The following HECTD3 variants were observed in gnomAD, a reference collection of about 807,000 sequenced individuals.
HECTD3 encodes E3 ubiquitin-protein ligase HECTD3.
A neutral mutation model predicts 109.3 loss-of-function variants in HECTD3; 72 were observed. The ratio of observed to expected loss-of-function variants is 0.66; its 90% CI spans 0.54 to 0.80. The LOEUF is 0.80. Among genes scored for constraint, HECTD3 ranks in the 30% least tolerant of loss-of-function variants. HECTD3 has a pLI of 0.00. For synonymous variants in HECTD3, 481 were observed against 471.8 expected (o/e 1.02, Z -0.25); for missense variants, 1,041 against 1,165.2 (o/e 0.89, Z 1.55).
At position 45,008,243 on chromosome 1, in the gene HECTD3, A is replaced by T; in HGVS notation, c.1317T>A (p.Ile439=). The part of the protein sequence containing the change: ...WDHTLGTFSE[I]KQVKQFLLLS... The stretch of plus-strand genomic sequence containing the variant: ...AGCACTGGCTGGGTCGGCTCACCTT[A>T]ATCTCACTGAAGGTGCCCAGTGTGT... Residue 439 remains isoleucine, a synonymous_variant, in exon 9 of 21, where the codon ATT becomes ATA. Coordinates refer to ENST00000372172, the MANE Select transcript of HECTD3 (RefSeq NM_024602.6). 6.2e-7 allele frequency: 1 copy of T among 1,613,174 alleles called. No homozygotes were observed. The highest frequency in any genetic ancestry group is 2.2e-5 in the East Asian group (1 of 44,870).
chr1:45,003,278 C>G lies in HECTD3; in HGVS notation c.*214G>C. On this transcript the variant is annotated 3_prime_UTR_variant, in exon 21 of 21. Transcript: ENST00000372172. The surrounding 1 kb of genome is among the most constrained non-coding windows in gnomAD (Gnocchi z 4.7). ...GAGGTGAAATACCTCGGGAAGCAAG[C>G]CCCAGCACGGGTAGGGCTTGTGGGT... 1 of 576,790 alleles carries G rather than the reference C, an allele frequency of 1.7e-6. No homozygotes were observed. The highest frequency in any genetic ancestry group is 2.0e-5 in the South Asian group (1 of 49,030). The allele number at this position is 576,790 out of a possible 1,614,324, so 35.7% of individuals were successfully genotyped here. A position where few individuals can be genotyped will look rare whatever the true frequency, so the allele number is the denominator to read the frequency against.
Position 45,010,027 on chromosome 1 carries a change from C to A in HECTD3, c.718G>T (p.Val240Leu). Residue 240 changes from valine to leucine, a missense_variant, in exon 4 of 21, where the codon GTG becomes TTG. Physicochemically the swap from Val to Leu is conservative, Grantham distance 32. This residue lies in a region of HECTD3 where 472 missense variants were observed against 449.9 expected (regional missense o/e 1.05). Coordinates refer to ENST00000372172, the MANE Select transcript of HECTD3 (RefSeq NM_024602.6). ...LGKEDENLGS[V>L]KQYVESIDVS... ...TCTATGCTCTCCACATACTGCTTCA[C>A]GCTACCCAGGTTCTCATCCTCCTTG... 1 of 1,557,378 alleles carries A rather than the reference C, an allele frequency of 6.4e-7. No individual in the cohort carries two copies. The highest frequency in any genetic ancestry group is 1.2e-5 in the South Asian group (1 of 81,512).
chr1:45,003,293 G>A lies in HECTD3; in HGVS notation c.*199C>T, dbSNP rs1184953128. On this transcript the variant is annotated 3_prime_UTR_variant, in exon 21 of 21. Coordinates refer to ENST00000372172, the MANE Select transcript of HECTD3 (RefSeq NM_024602.6). The surrounding 1 kb of genome is among the most constrained non-coding windows in gnomAD (Gnocchi z 4.7). ...GGGAAGCAAGCCCCAGCACGGGTAGGGCTTGTGGGTCTGCGGGGCTGGGCC... is the reference window on the plus strand; with the variant it reads ...GGGAAGCAAGCCCCAGCACGGGTAGAGCTTGTGGGTCTGCGGGGCTGGGCC... 2 of 589,878 alleles carry A rather than the reference G, an allele frequency of 3.4e-6. No individual in the cohort carries two copies. The highest frequency in any genetic ancestry group is 2.0e-5 in the South Asian group (1 of 50,706). 36.5% of individuals were successfully genotyped at this position (589,878 alleles called of 1,614,324 possible). A position where few individuals can be genotyped will look rare whatever the true frequency, so the allele number is the denominator to read the frequency against.
rs566884520 is a variant in HECTD3, at chr1:45,003,793, G to T, written c.2430-53C>A. ...GGAAGATGTGTTGGGGCACATGTACGTGTGTGGGGAGGGAGGACAGAAGGC... is the reference window on the plus strand; with the variant it reads ...GGAAGATGTGTTGGGGCACATGTACTTGTGTGGGGAGGGAGGACAGAAGGC... On this transcript the variant is annotated intron_variant, in intron 19 of 20. Coordinates refer to ENST00000372172, the MANE Select transcript of HECTD3 (RefSeq NM_024602.6). The surrounding 1 kb of genome is among the most constrained non-coding windows in gnomAD (Gnocchi z 4.7). 3 of 1,611,532 alleles carry T rather than the reference G, an allele frequency of 1.9e-6. No homozygotes were observed. The East Asian group carries it at 6.7e-5, about 36-fold the overall frequency.
Position 45,007,500 on chromosome 1 carries a change from T to C in HECTD3, c.1416A>G (p.Pro472=), listed in dbSNP as rs771300669. 1.2e-5 allele frequency: 20 copies of C among 1,613,926 alleles called. No homozygotes were observed. The Admixed American group carries it at 2.3e-4, about 19-fold the overall frequency. ...DSESSKPSFM[P]RLYINRRLAM... is the part of the protein sequence containing the mutation. ...CAAGACGGCGGTTGATGTATAGGCG[T>C]GGCATGAAGCTGGGCTTGCTGCTCT... Residue 472 remains proline, a synonymous_variant, in exon 10 of 21, where the codon CCA becomes CCG. Coordinates refer to ENST00000372172, the MANE Select transcript of HECTD3 (RefSeq NM_024602.6).
rs778966009 is a variant in HECTD3 at position 45,004,686 on chromosome 1, C to T, written c.2056G>A (p.Gly686Ser). Residue 686 changes from glycine to serine, a missense_variant, in exon 16 of 21, where the codon GGT (glycine) becomes AGT (serine). Transcript: ENST00000372172. Reference protein sequence around the residue: ...DQQVVELIPGGAGIVVGYGDR... With the variant: ...DQQVVELIPGSAGIVVGYGDR... ...CCATATCCCACGACGATGCCTGCAC[C>T]CCCAGGGATCAGCTCCACCACCTGT... 1 of 1,614,168 alleles carries T rather than the reference C, an allele frequency of 6.2e-7. No homozygotes were observed. Among genetic ancestry groups the T allele is most frequent in the Non-Finnish European group, 8.5e-7 (1 of 1,180,022 alleles).
chr1:45,006,768 T>A lies in HECTD3; in HGVS notation c.1649A>T (p.Asp550Val). ...QGGGFRDSLA[D>V]MSEELCPSSA... Reference sequence around the variant, plus strand: ...GCTAGGGCACAGCTCTTCTGACATATCTGCCAGGCTGTCCCGGAAACCACC... The same window carrying A: ...GCTAGGGCACAGCTCTTCTGACATAACTGCCAGGCTGTCCCGGAAACCACC... Residue 550 changes from aspartate (D) to valine (V), a missense_variant, in exon 13 of 21, where the codon GAT (aspartate) becomes GTT (valine). By Grantham distance (152) the Asp-to-Val change is radical (BLOSUM62 -3). This residue lies in a region of HECTD3 where 569 missense variants were observed against 715.3 expected (regional missense o/e 0.80). Transcript: ENST00000372172. This position sits in a 1 kb window ranked among gnomAD's most constrained non-coding sequence, Gnocchi z 4.7. 6.2e-7 allele frequency: 1 copy of A among 1,613,552 alleles called. No homozygotes were observed. Among genetic ancestry groups the A allele is most frequent in the Non-Finnish European group, 8.5e-7 (1 of 1,179,682 alleles).
At position 45,004,626 on chromosome 1, in the gene HECTD3, C is replaced by T; in HGVS notation, c.2116G>A (p.Ala706Thr). 6.2e-7 allele frequency: 1 copy of T among 1,614,170 alleles called. No individual in the cohort carries two copies. Among genetic ancestry groups the T allele is most frequent in the Non-Finnish European group, 8.5e-7 (1 of 1,180,030 alleles). ...RSRFIQLVQK[A>T]RLEESKEQVA... ...TGCTCCTTGCTCTCCTCTAGCCGTG[C>T]CTTCTGGACCAGTTGGATGAAACGA... is the stretch of plus-strand genomic sequence containing the variant. The change falls in exon 16 of 21, where the codon GCA (alanine) becomes ACA (threonine). Residue 706 changes from alanine (A) to threonine (T), a missense_variant. Coordinates refer to ENST00000372172, the MANE Select transcript of HECTD3 (RefSeq NM_024602.6).
chr1:45,008,549 C>T lies in HECTD3; in HGVS notation c.1225G>A (p.Val409Ile). The change falls in exon 8 of 21, where the codon GTC becomes ATC. Residue 409 changes from valine (V) to isoleucine (I), a missense_variant. Physicochemically the swap from Val to Ile is conservative, Grantham distance 29. Around this residue, in one of 2 missense-constraint regions of HECTD3, gnomAD observed 569 missense variants for 715.3 expected, o/e 0.80. Transcript: ENST00000372172. ...TDPEVLYRRAVLLQRFIKILD... is the reference protein window; with the variant it reads ...TDPEVLYRRAILLQRFIKILD... ...GACCACAGCCACCTCTGCAGGAGGA[C>T]AGCTCTGCGGTACAGTACTTCAGGG... 1.2e-6 allele frequency: 2 copies of T among 1,613,286 alleles called. No individual in the cohort carries two copies. Among genetic ancestry groups the T allele is most frequent in the Non-Finnish European group, 8.5e-7 (1 of 1,179,376 alleles).
rs1340232967 is a variant in HECTD3 at position 45,010,994 on chromosome 1, G to A, written c.264C>T (p.Pro88=). The change falls in exon 1 of 21, where the codon CCC becomes CCT. Residue 88 remains proline, a synonymous_variant. Transcript: ENST00000372172. The part of the protein sequence containing the change: ...AGPAPGTGSG[P]LRAARDSIEL... ...CAATGCTGTCGCGGGCGGCGCGGAG[G>A]GGCCCGGAGCCGGTACCGGGGGCTG... 11 of 1,477,832 alleles carry A rather than the reference G, an allele frequency of 7.4e-6. No homozygotes were observed. Among genetic ancestry groups the A allele is most frequent in the African/African-American group, 1.5e-5 (1 of 67,674 alleles). The allele number at this position is 1,477,832 out of a possible 1,614,324, so 91.5% of individuals were successfully genotyped here. A position where few individuals can be genotyped will look rare whatever the true frequency, so the allele number is the denominator to read the frequency against.
At position 45,003,547 on chromosome 1, in the gene HECTD3, T is replaced by C. The variant is rs754586787; in HGVS notation, c.2531A>G (p.Tyr844Cys). ...GATGGCCACGCAGTTGTAGGCCGCA[T>C]AGCGGAGCTTCTCCTCGCATACCTT... is the stretch of plus-strand genomic sequence containing the variant. ...SAKVCEEKLR[Y>C]AAYNCVAIDT... The change falls in exon 21 of 21, where the codon TAT becomes TGT. Residue 844 changes from tyrosine (Y) to cysteine (C), a missense_variant. Tyr to Cys is a radical substitution (Grantham distance 194). Around this residue, in one of 2 missense-constraint regions of HECTD3, gnomAD observed 569 missense variants for 715.3 expected, o/e 0.80. Transcript: ENST00000372172. This position sits in a 1 kb window ranked among gnomAD's most constrained non-coding sequence, Gnocchi z 4.7. 1 of 1,614,176 alleles carries C rather than the reference T, an allele frequency of 6.2e-7. No homozygotes were observed. The highest frequency in any genetic ancestry group is 1.1e-5 in the South Asian group (1 of 91,086).
In HECTD3 at chr1:45,003,398, G is replaced by A. The variant is rs1041525211; in HGVS notation, c.*94C>T. Reference sequence around the variant, plus strand: ...GGGCACATGGGGTTTTGCTGAGCACGTCAGCCAAACCAGGGCAGGGAAGGT... The same window carrying A: ...GGGCACATGGGGTTTTGCTGAGCACATCAGCCAAACCAGGGCAGGGAAGGT... On this transcript the variant is annotated 3_prime_UTR_variant, in exon 21 of 21. Coordinates refer to ENST00000372172, the MANE Select transcript of HECTD3 (RefSeq NM_024602.6). This position sits in a 1 kb window ranked among gnomAD's most constrained non-coding sequence, Gnocchi z 4.7. 42 of 1,132,852 alleles carry A rather than the reference G, an allele frequency of 3.7e-5. No homozygotes were observed. Among genetic ancestry groups the A allele is most frequent in the African/African-American group, 1.7e-4 (11 of 65,144 alleles). The allele number at this position is 1,132,852 out of a possible 1,614,324, so 70.2% of individuals were successfully genotyped here. A position where few individuals can be genotyped will look rare whatever the true frequency, so the allele number is the denominator to read the frequency against.
chr1:45,004,583 T>C lies in HECTD3; in HGVS notation c.2142+17A>G, dbSNP rs1358269848. The C allele has an allele frequency of 1.2e-6, 2 of 1,613,652 alleles. No individual in the cohort carries two copies. ...GAGGGGCCAAAGCTCTCTGCTCTAC[T>C]AGCCTCTGGGTACTACCTGCTCCTT... On this transcript the variant is annotated intron_variant, in intron 16 of 20. Transcript: ENST00000372172.
In HECTD3 at chr1:45,004,246, A is replaced by G; in HGVS notation, c.2272+2T>C. ...TGCCCTGCCCTGCCTTGGGGAACTC[A>G]CTGAGCTTGCGCAGAGCATCCACAG... On this transcript the variant is annotated splice_donor_variant, in intron 17 of 20. Coordinates refer to ENST00000372172, the MANE Select transcript of HECTD3 (RefSeq NM_024602.6). LOFTEE classifies it high-confidence loss of function. The G allele has an allele frequency of 6.2e-7, 1 of 1,613,972 alleles. No individual in the cohort carries two copies. The highest frequency in any genetic ancestry group is 8.5e-7 in the Non-Finnish European group (1 of 1,179,872).
chr1:45,007,806 T>C (rs1268612462), intron 9 of HECTD3, among the ~76,000 whole-genome samples: 3 of 152,204 alleles, frequency 2.0e-5, no homozygotes, highest in Non-Finnish European at 4.4e-5. Flanking sequence ...CTTCCTTACC[T>C]TTCCAACAGC....
At position 45,003,431 on chromosome 1, in the gene HECTD3, C is replaced by T. The variant is rs1055479797; in HGVS notation, c.*61G>A. On this transcript the variant is annotated 3_prime_UTR_variant, in exon 21 of 21. Transcript: ENST00000372172. This position sits in a 1 kb window ranked among gnomAD's most constrained non-coding sequence, Gnocchi z 4.7. ...AACCAGGGCAGGGAAGGTGTCTTCG[C>T]CCTGGGCAAGGCCAAGAGGGACACG... is the stretch of plus-strand genomic sequence containing the variant. 5 of 1,495,336 alleles carry T rather than the reference C, an allele frequency of 3.3e-6. No individual in the cohort carries two copies. Among genetic ancestry groups the T allele is most frequent in the Non-Finnish European group, 4.7e-6 (5 of 1,074,146 alleles). The allele number at this position is 1,495,336 out of a possible 1,614,324, so 92.6% of individuals were successfully genotyped here. A position where few individuals can be genotyped will look rare whatever the true frequency, so the allele number is the denominator to read the frequency against.
chr1:45,009,757 G>T, intron 4 of HECTD3, 74 bp from the exon 5 acceptor site: 1 of 1,259,590 alleles, frequency 7.9e-7, no homozygotes, highest in Non-Finnish European at 1.1e-6. Context: ...TGGGCCAGGA[G>T]CACCAGAGAG....
rs777389495 is a variant in HECTD3 at position 45,010,978 on chromosome 1, C to G, written c.280G>C (p.Asp94His). ...GCGCCGCGCCGGAGCTCAATGCTGT[C>G]GCGGGCGGCGCGGAGGGGCCCGGAG... ...TGSGPLRAAR[D>H]SIELRRGACV... Residue 94 changes from aspartate (D) to histidine (H), a missense_variant, in exon 1 of 21, where the codon GAC (aspartate) becomes CAC (histidine). Transcript: ENST00000372172. The G allele has an allele frequency of 1.3e-6, 2 of 1,503,780 alleles. No homozygotes were observed. Among genetic ancestry groups the G allele is most frequent in the East Asian group, 5.0e-5 (2 of 39,794 alleles). 93.2% of individuals were successfully genotyped at this position (1,503,780 alleles called of 1,614,324 possible). A position where few individuals can be genotyped will look rare whatever the true frequency, so the allele number is the denominator to read the frequency against.
In HECTD3 at chr1:45,009,649, T is replaced by C. The variant is rs759155910; in HGVS notation, c.794A>G (p.Asn265Ser). 1 of 1,614,080 alleles carries C rather than the reference T, an allele frequency of 6.2e-7. No individual in the cohort carries two copies. Among genetic ancestry groups the C allele is most frequent in the Non-Finnish European group, 8.5e-7 (1 of 1,179,976 alleles). Residue 265 changes from asparagine to serine, a missense_variant, in exon 5 of 21, where the codon AAT becomes AGT. Physicochemically the swap from Asn to Ser is conservative, Grantham distance 46. Around this residue, in one of 2 missense-constraint regions of HECTD3, gnomAD observed 472 missense variants for 449.9 expected, o/e 1.05. Coordinates refer to ENST00000372172, the MANE Select transcript of HECTD3 (RefSeq NM_024602.6). ...EFNVSCLTDS[N>S]ADTYWESDGS... The stretch of plus-strand genomic sequence containing the variant: ...ATCGCTCTCCCAGTAGGTATCGGCA[T>C]TGCTGTCTGTCAGGCAGGACACGTT...
Sources: allele counts gnomAD v4.1 joint callset (sites outside exome capture counted in the v4.1 genomes callset), GRCh38; gene constraint gnomAD v4.1.1; regional missense constraint gnomAD v4.1.1; non-coding constraint Gnocchi (gnomAD v3.1); transcripts MANE v1.5; gene names NCBI Gene and HGNC (gene_info 2026-07-23, HGNC 2026-07-21).